SOX5: variants seen among roughly 807,000 people sequenced by gnomAD.
The protein encoded by SOX5 is transcription factor SOX-5.
SOX5 carries 9 observed loss-of-function variants against 92.0 expected under a neutral mutation model. The observed-to-expected ratio is 0.10, with a 90% CI of 0.06 to 0.17. The LOEUF is 0.17. Ranked by LOEUF, SOX5 falls within the 10% of genes least tolerant of loss-of-function variation. SOX5 has a pLI of 1.00. For synonymous variants in SOX5, 344 were observed against 336.3 expected, an observed-to-expected ratio of 1.02 and a Z score of -0.25; for missense variants, 642 against 944.5, an observed-to-expected ratio of 0.68 and a Z score of 4.20.
chr12:24,384,104 G>C (rs1958117464), intron 1 of SOX5, among the ~76,000 whole-genome samples: 1 of 152,146 alleles, frequency 6.6e-6, no homozygotes, highest in Non-Finnish European at 1.5e-5. Context: ...GGCCTCTCCA[G>C]CCATGCAGAG....
chr12:24,507,060 G>C (rs1308351474), intron 1 of SOX5, among the ~76,000 whole-genome samples: 1 of 151,900 alleles, frequency 6.6e-6, no homozygotes, highest in African/African-American at 2.4e-5. Flanking sequence ...AAAGTGCTGG[G>C]ATTACAGGCA....
intron 2 of SOX5, among the ~76,000 whole-genome samples, chr12:24,327,910 T>G (rs1950898120): frequency 6.6e-6 from 1 of 152,112 alleles, no homozygotes; most frequent in Admixed American, 6.5e-5. Flanking sequence ...CAGGCTGGTC[T>G]CGAACTTGTG....
intron 3 of SOX5, among the ~76,000 whole-genome samples, chr12:23,805,558 C>G (rs146978411): frequency 2.2e-4 from 34 of 152,066 alleles, no homozygotes; most frequent in Non-Finnish European, 4.9e-4. Context: ...TATTCCCAAC[C>G]ATTAAAAGAA....
At chr12:24,248,143 G>T (rs539667867) in intron 3 of SOX5, among the ~76,000 whole-genome samples, 1 of 152,330 alleles carries the variant, frequency 6.6e-6, no homozygotes, top group East Asian at 1.9e-4. Context: ...TCTCTATTAA[G>T]GGAGACAGAA....
At chr12:24,289,273 C>T (rs1946305690) in intron 2 of SOX5, among the ~76,000 whole-genome samples, 1 of 124,936 alleles carries the variant, frequency 8.0e-6, no homozygotes, top group Non-Finnish European at 1.9e-5. Flanking sequence ...ACGGTGAGAA[C>T]CTGTCTCAAA....
In SOX5 at chr12:24,152,903, T is replaced by A. The variant is rs190435050; in HGVS notation, c.-2+60440A>T. ...AATTAGAGTTAAAATAATGTTTCCCTTTGAAATGTTTAATTAGCTCTGTTT... is the reference window on the plus strand; with the variant it reads ...AATTAGAGTTAAAATAATGTTTCCCATTGAAATGTTTAATTAGCTCTGTTT... On this transcript the variant is annotated intron_variant, in intron 4 of 4. Transcript: ENST00000446891. Among the ~76,000 whole-genome samples, 16 of 152,260 alleles carry A rather than the reference T, an allele frequency of 1.1e-4. No individual in the cohort carries two copies. The East Asian group carries it at 3.1e-3, about 29-fold the overall frequency.
intron 6 of SOX5, among the ~76,000 whole-genome samples, chr12:23,704,394 G>T (rs2091087178): frequency 6.6e-6 from 1 of 151,456 alleles, no homozygotes; most frequent in Non-Finnish European, 1.5e-5. Flanking sequence ...CCCTTATTTT[G>T]TCAATTATGT....
chr12:23,997,759 T>C (rs1333851033), intron 4 of SOX5, among the ~76,000 whole-genome samples: 1 of 152,200 alleles, frequency 6.6e-6, no homozygotes, highest in Non-Finnish European at 1.5e-5. Flanking sequence ...CATAATTGTC[T>C]GACCACTAAA....
chr12:24,235,915 T>C (rs6487380), intron 3 of SOX5, among the ~76,000 whole-genome samples: 29,713 of 151,908 alleles, frequency 0.2, 3,376 homozygotes, highest in East Asian at 0.47. Flanking sequence ...ACAGGCTGGG[T>C]GTGGTGGCTC....
At chr12:23,626,773 AG>A (rs2077873492) in intron 8 of SOX5, among the ~76,000 whole-genome samples, 1 of 150,720 alleles carries the variant, frequency 6.6e-6, no homozygotes, top group Admixed American at 6.7e-5. Flanking sequence ...AGTGCTAAGT[AG>A]GTTAAAAGAC....
rs111575508 is a variant in SOX5 at position 24,393,596 on chromosome 12, C to CA, written c.-250-24958dup. On this transcript the variant is annotated intron_variant, in intron 1 of 4. Transcript: ENST00000446891. The surrounding 1 kb of genome is among the most constrained non-coding windows in gnomAD (Gnocchi z 5.0). ...ACAATAAAAACATTAAGTAACTAAG[C>CA]AAAAAATTATGAAATAGATAATCTT... is the stretch of plus-strand genomic sequence containing the variant. Among the ~76,000 whole-genome samples the CA allele has an allele frequency of 0.02, 3,098 of 152,122 alleles. 108 individuals carry two copies. Among genetic ancestry groups the CA allele is most frequent in the African/African-American group, 0.071 (2,937 of 41,514 alleles).
chr12:24,441,176 T>A (rs1320528073), intron 1 of SOX5, among the ~76,000 whole-genome samples: 1 of 152,222 alleles, frequency 6.6e-6, no homozygotes, highest in East Asian at 1.9e-4. Flanking sequence ...GAACTCTGTA[T>A]GCAGAGAAAT....
intron 3 of SOX5, among the ~76,000 whole-genome samples, chr12:23,767,995 G>A (rs528329148): frequency 6.6e-6 from 1 of 152,108 alleles, no homozygotes; most frequent in African/African-American, 2.4e-5. Context: ...AATAGCAGGT[G>A]GGGGTAGGGA....
At chr12:23,892,950 G>A (rs192700519) in intron 2 of SOX5, among the ~76,000 whole-genome samples, 31 of 152,238 alleles carry the variant, frequency 2.0e-4, no homozygotes, top group Non-Finnish European at 2.9e-4. Context: ...TCAAGGCTAC[G>A]GTGAGCTATG....
chr12:23,701,291 G>A (rs946201204), intron 6 of SOX5, among the ~76,000 whole-genome samples: 4 of 151,988 alleles, frequency 2.6e-5, no homozygotes, highest in African/African-American at 9.7e-5. Context: ...AACAGAACTA[G>A]TTTATCAAGA....
chr12:23,950,530 A>T (rs1185462211), upstream of SOX5, among the ~76,000 whole-genome samples: 1 of 152,190 alleles, frequency 6.6e-6, no homozygotes, highest in Non-Finnish European at 1.5e-5. Context: ...CACATGCCAA[A>T]ATAACATACA....
intron 3 of SOX5, among the ~76,000 whole-genome samples, chr12:23,820,937 T>C (rs1301063830): frequency 1.3e-5 from 2 of 152,164 alleles, no homozygotes; most frequent in East Asian, 3.9e-4. Flanking sequence ...AAATTTGAAG[T>C]AGTTTTTTTC....
chr12:24,318,344 G>A (rs1201635358), intron 2 of SOX5, among the ~76,000 whole-genome samples: 1 of 152,330 alleles, frequency 6.6e-6, no homozygotes, highest in East Asian at 1.9e-4. Context: ...TAGGATGCAT[G>A]CCTTTCCTGT....
intron 4 of SOX5, among the ~76,000 whole-genome samples, chr12:24,152,273 C>A (rs749133754): frequency 6.6e-6 from 1 of 152,164 alleles, no homozygotes; most frequent in African/African-American, 2.4e-5. Context: ...GCATTTCACA[C>A]GTCATTGATT....
Sources: gnomAD v4.1 joint callset for allele counts (sites outside exome capture counted in the v4.1 genomes callset) on GRCh38, gnomAD v4.1.1 for gene constraint, Gnocchi (gnomAD v3.1) non-coding constraint, MANE v1.5 for transcripts, NCBI Gene and HGNC (gene_info 2026-07-23, HGNC 2026-07-21) for gene names.